COX5A: variants seen among roughly 807,000 people sequenced by gnomAD.
COX5A encodes the protein cytochrome c oxidase subunit 5A, mitochondrial.
A neutral mutation model predicts 16.1 loss-of-function variants in COX5A; 6 were observed. That is an observed-to-expected ratio of 0.37 (90% confidence interval 0.20 to 0.73). The LOEUF (loss-of-function observed/expected upper bound fraction) is 0.73, where lower values mean the gene tolerates loss of function less well. Ranked by LOEUF, COX5A falls within the 30% of genes least tolerant of loss-of-function variation. The probability of loss-of-function intolerance (pLI) is 0.50; values close to 1 mark genes in which losing one functional copy is unlikely to be tolerated. For missense variants in COX5A, 159 were observed against 194.9 expected (o/e 0.82, Z 1.10); for synonymous variants, 73 against 73.8 (o/e 0.99, Z 0.06).
chr15:74,935,806 T>A (rs2065387481), intron 1 of COX5A, among the ~76,000 whole-genome samples: 1 of 150,520 alleles, frequency 6.6e-6, no homozygotes, highest in Non-Finnish European at 1.5e-5. Flanking sequence ...TTCAGGCTGG[T>A]CTGGAACTTC....
At position 74,927,894 on chromosome 15, in the gene COX5A, T is replaced by C. The variant is rs371552238; in HGVS notation, c.218-1007A>G. On this transcript the variant is annotated intron_variant, in intron 2 of 4. Transcript: ENST00000322347. ...AGCCTAAATGAGGACATTAAGGAGA[T>C]ATTATAGAGAAACATTAGTACACAG... is the stretch of plus-strand genomic sequence containing the variant. Among the ~76,000 whole-genome samples, 6 of 152,234 alleles carry C rather than the reference T, an allele frequency of 3.9e-5. No homozygotes were observed. The East Asian group carries it at 1.2e-3, about 29-fold the overall frequency.
intron 1 of COX5A, among the ~76,000 whole-genome samples, chr15:74,932,583 G>A (rs547172324): frequency 2.0e-5 from 3 of 152,044 alleles, no homozygotes; most frequent in Non-Finnish European, 4.4e-5. Context: ...AGGAAGAGTA[G>A]CAAAAAAACG....
chr15:74,933,985 C>A (rs541371646), intron 1 of COX5A, among the ~76,000 whole-genome samples: 3 of 152,262 alleles, frequency 2.0e-5, no homozygotes, highest in African/African-American at 7.2e-5. Flanking sequence ...TGGTTGTATT[C>A]CAAAAAGTCT....
At chr15:74,923,358 G>A (rs923728620) in intron 4 of COX5A, among the ~76,000 whole-genome samples, 9 of 151,438 alleles carry the variant, frequency 5.9e-5, no homozygotes, top group African/African-American at 1.7e-4. Flanking sequence ...AGGCTGCAGC[G>A]AGCCTAGATT....
intron 1 of COX5A, among the ~76,000 whole-genome samples, chr15:74,935,067 TA>T (rs2065382966): frequency 6.6e-6 from 1 of 152,178 alleles, no homozygotes; most frequent in Non-Finnish European, 1.5e-5. Context: ...ATTTAATAAA[TA>T]ATCAACCCTG....
intron 1 of COX5A, among the ~76,000 whole-genome samples, chr15:74,934,455 C>G (rs187303776): frequency 2.0e-5 from 3 of 152,118 alleles, no homozygotes; most frequent in South Asian, 2.1e-4. Flanking sequence ...CTCAGCCTTC[C>G]CAGCAGCTGG....
chr15:74,922,097 G>A (rs1017002540), intron 4 of COX5A, among the ~76,000 whole-genome samples: 1 of 151,970 alleles, frequency 6.6e-6, no homozygotes, highest in African/African-American at 2.4e-5. Flanking sequence ...GCTTTAAAAC[G>A]AGATCCCACC....
chr15:74,930,234 A>G (rs2065360807), intron 1 of COX5A, among the ~76,000 whole-genome samples: 3 of 152,030 alleles, frequency 2.0e-5, no homozygotes, highest in South Asian at 4.2e-4. Flanking sequence ...CCTGGCCAAC[A>G]TGGTGAAACC....
At chr15:74,935,450 G>A (rs950309895) in intron 1 of COX5A, among the ~76,000 whole-genome samples, 8 of 151,326 alleles carry the variant, frequency 5.3e-5, no homozygotes, top group Non-Finnish European at 8.8e-5. Context: ...CTGTTTCTAC[G>A]GAAAATAAAA....
At chr15:74,926,549 T>C (rs949597282) in intron 3 of COX5A, among the ~76,000 whole-genome samples, 2 of 151,890 alleles carry the variant, frequency 1.3e-5, no homozygotes, top group Non-Finnish European at 2.9e-5. Flanking sequence ...TTAAATGGAA[T>C]TGCTGAACAA....
At chr15:74,936,796 T>A (rs944527650) in intron 1 of COX5A, among the ~76,000 whole-genome samples, 5 of 151,736 alleles carry the variant, frequency 3.3e-5, no homozygotes, top group Non-Finnish European at 5.9e-5. Context: ...CCAGCTAAAT[T>A]TTTTGTATTT....
At chr15:74,923,564 G>A (rs1253165376) in intron 4 of COX5A, 84 bp downstream of exon 4, 6 of 690,238 alleles carry the variant, frequency 8.7e-6, no homozygotes, top group Middle Eastern at 4.0e-4. Flanking sequence ...AACACTGAAA[G>A]GTCTTACTAT....
At chr15:74,924,507 C>T (rs566228105) in intron 3 of COX5A, among the ~76,000 whole-genome samples, 2 of 150,374 alleles carry the variant, frequency 1.3e-5, no homozygotes, top group South Asian at 2.1e-4. Flanking sequence ...GGGGACAGAG[C>T]GAGACTCTGT....
rs1270537444 is a variant in COX5A at position 74,938,002 on chromosome 15, C to T, written c.13G>A (p.Ala5Thr). 6 of 1,231,468 alleles carry T rather than the reference C, an allele frequency of 4.9e-6. No individual in the cohort carries two copies. Among genetic ancestry groups the T allele is most frequent in the Non-Finnish European group, 6.1e-6 (6 of 987,642 alleles). 76.3% of individuals were successfully genotyped at this position (1,231,468 alleles called of 1,614,324 possible). The change falls in exon 1 of 5, where the codon GCT (alanine) becomes ACT (threonine). Residue 5 changes from alanine to threonine, a missense_variant. Physicochemically the swap from Ala to Thr is moderately conservative, Grantham distance 58. Transcript: ENST00000322347. MLGA[A>T]LRRCAVAATT... The stretch of plus-strand genomic sequence containing the variant: ...GCGGCCACAGCGCAGCGGCGGAGAG[C>T]GGCGCCCAGCATGACGGCGATGGCG...
chr15:74,931,553 A>T (rs75459883), intron 1 of COX5A, among the ~76,000 whole-genome samples: 6 of 138,450 alleles, frequency 4.3e-5, no homozygotes, highest in African/African-American at 1.6e-4. Flanking sequence ...AAGCATTTCC[A>T]TTTTTTTTTT....
chr15:74,935,995 A>C (rs1209940011), intron 1 of COX5A, among the ~76,000 whole-genome samples: 2 of 151,988 alleles, frequency 1.3e-5, no homozygotes, highest in East Asian at 3.9e-4. Flanking sequence ...CACCATTAAA[A>C]AGGAGTCAGT....
Position 74,926,781 on chromosome 15 carries a change from G to C in COX5A, c.324C>G (p.Ile108Met), listed in dbSNP as rs1451277351. Residue 108 changes from isoleucine (I) to methionine (M), a missense_variant, in exon 3 of 5, where the codon ATC (isoleucine) becomes ATG (methionine). Physicochemically the swap from Ile to Met is conservative, Grantham distance 10. Coordinates refer to ENST00000322347, the MANE Select transcript of COX5A (RefSeq NM_004255.4). ...TTTCACTGACCTTAACAACCTCTAGGATACGAACTGTACTAGCAAAATCAT... is the reference window on the plus strand; with the variant it reads ...TTTCACTGACCTTAACAACCTCTAGCATACGAACTGTACTAGCAAAATCAT... ...RLNDFASTVR[I>M]LEVVKDKAGP... is the part of the protein sequence containing the mutation. 1 of 1,612,040 alleles carries C rather than the reference G, an allele frequency of 6.2e-7. No individual in the cohort carries two copies. Among genetic ancestry groups the C allele is most frequent in the Admixed American group, 1.7e-5 (1 of 59,610 alleles).
At chr15:74,932,917 C>A (rs1175470535) in intron 1 of COX5A, among the ~76,000 whole-genome samples, 1 of 151,364 alleles carries the variant, frequency 6.6e-6, no homozygotes, top group African/African-American at 2.4e-5. Flanking sequence ...AGGCTGGTCT[C>A]GAACTCTTGA....
At chr15:74,925,392 T>C (rs182034719) in intron 3 of COX5A, among the ~76,000 whole-genome samples, 48 of 152,164 alleles carry the variant, frequency 3.2e-4, no homozygotes, top group African/African-American at 1.1e-3. Context: ...ATAATGTATA[T>C]ATATATTTTT....
Sources: gnomAD v4.1 joint callset for allele counts (sites outside exome capture counted in the v4.1 genomes callset) on GRCh38, gnomAD v4.1.1 for gene constraint, MANE v1.5 for transcripts, NCBI Gene and HGNC (gene_info 2026-07-23, HGNC 2026-07-21) for gene names.